The following ABI1 variants were observed in gnomAD, a reference collection of about 807,000 sequenced individuals.
The protein encoded by ABI1 is abl interactor 1.
A neutral mutation model predicts 54.6 loss-of-function variants in ABI1; 14 were observed. The ratio of observed to expected loss-of-function variants is 0.26; its 90% confidence interval spans 0.17 to 0.40. The LOEUF (loss-of-function observed/expected upper bound fraction) is 0.40. Among genes scored for constraint, ABI1 ranks in the 10% least tolerant of loss-of-function variants. ABI1 has a pLI of 1.00. For synonymous variants in ABI1, 194 were observed against 209.3 expected (o/e 0.93, Z 0.63); for missense variants, 443 against 598.3 (o/e 0.74, Z 2.71).
intron 2 of ABI1, among the ~76,000 whole-genome samples, chr10:26,791,829 T>C (rs1021931051): frequency 1.3e-5 from 2 of 152,154 alleles, no homozygotes; most frequent in Admixed American, 6.5e-5. Flanking sequence ...CCTCAAACCA[T>C]AGGAAAAAAC....
intron 1 of ABI1, among the ~76,000 whole-genome samples, chr10:26,835,961 C>A (rs2133984273): frequency 6.6e-6 from 1 of 152,032 alleles, no homozygotes; most frequent in Non-Finnish European, 1.5e-5. Context: ...CCATGTTGCC[C>A]AGGCTGGTCT....
At chr10:26,786,831 C>T (rs1842789056) in intron 2 of ABI1, among the ~76,000 whole-genome samples, 1 of 152,194 alleles carries the variant, frequency 6.6e-6, no homozygotes, top group Admixed American at 6.5e-5. Flanking sequence ...CATATATACA[C>T]ACAAACTTTT....
chr10:26,839,925 G>A, intron 1 of ABI1: 2 of 586,512 alleles, frequency 3.4e-6, no homozygotes, highest in Non-Finnish European at 6.1e-6. Flanking sequence ...AGGACTTTGG[G>A]ACCACAGTGA....
At chr10:26,859,546 T>C (rs1259835510) in intron 1 of ABI1, among the ~76,000 whole-genome samples, 2 of 152,240 alleles carry the variant, frequency 1.3e-5, no homozygotes, top group Non-Finnish European at 2.9e-5. Context: ...AGGACTGTGC[T>C]ACTTTGTTTC....
chr10:26,748,818 CAATTA>C, intron 10 of ABI1, 73 bp from the exon 11 acceptor site: 2 of 873,122 alleles, frequency 2.3e-6, no homozygotes, highest in Non-Finnish European at 3.4e-6. Context: ...AAGACAAAGA[CAATTA>C]AATATATAGC....
rs966696778 is a variant in ABI1, at chr10:26,775,484, T to TA, written c.462+1580dup. Among the ~76,000 whole-genome samples, 127 of 147,710 alleles carry TA rather than the reference T, an allele frequency of 8.6e-4. 1 individual carries two copies. The highest frequency in any genetic ancestry group is 6.4e-3 in the Admixed American group (95 of 14,788). On this transcript the variant is annotated intron_variant, in intron 3 of 10. Coordinates refer to ENST00000376140, the MANE Select transcript of ABI1 (RefSeq NM_001012750.3). ...TGTATCTCACCACAATAAAAAAATC[T>TA]AAAAAAAAAACCAAGCCCCCCAACC...
intron 1 of ABI1, among the ~76,000 whole-genome samples, chr10:26,844,494 C>A (rs2049823106): frequency 1.3e-5 from 2 of 152,146 alleles, no homozygotes. Flanking sequence ...AGTATATAGC[C>A]AGAGAAACTG....
chr10:26,840,906 T>G (rs908171966), intron 1 of ABI1, among the ~76,000 whole-genome samples: 1 of 152,238 alleles, frequency 6.6e-6, no homozygotes, highest in African/African-American at 2.4e-5. Flanking sequence ...AATACAGTTT[T>G]GGTCCATCAT....
intron 1 of ABI1, among the ~76,000 whole-genome samples, chr10:26,834,173 T>A (rs951145184): frequency 1.3e-5 from 2 of 152,058 alleles, no homozygotes; most frequent in Non-Finnish European, 2.9e-5. Flanking sequence ...GAGGTTGCAG[T>A]GAGCTGAGAC....
chr10:26,812,153 G>A (rs1268194803), intron 2 of ABI1, among the ~76,000 whole-genome samples: 1 of 152,092 alleles, frequency 6.6e-6, no homozygotes, highest in African/African-American at 2.4e-5. Flanking sequence ...CATAATCCAG[G>A]ATAATCTTCC....
intron 2 of ABI1, among the ~76,000 whole-genome samples, chr10:26,815,994 G>A (rs1370429862): frequency 6.6e-6 from 1 of 152,200 alleles, no homozygotes; most frequent in Non-Finnish European, 1.5e-5. Flanking sequence ...TGCTAGGTCT[G>A]AAGTCCACAT....
At chr10:26,827,289 T>G (rs746883142) in intron 1 of ABI1, among the ~76,000 whole-genome samples, 2 of 151,176 alleles carry the variant, frequency 1.3e-5, no homozygotes, top group Non-Finnish European at 2.9e-5. Flanking sequence ...TGGCGTGATC[T>G]CGGCTCACCG....
intron 1 of ABI1, among the ~76,000 whole-genome samples, chr10:26,849,456 C>T (rs377012488): frequency 6.6e-6 from 1 of 152,176 alleles, no homozygotes. Context: ...AGTACACATA[C>T]AGTACTTCTG....
chr10:26,784,319 G>C (rs1842473537), intron 2 of ABI1, among the ~76,000 whole-genome samples: 1 of 152,122 alleles, frequency 6.6e-6, no homozygotes, highest in Non-Finnish European at 1.5e-5. Context: ...TCTTTTCAAG[G>C]GACAGTCATT....
intron 2 of ABI1, among the ~76,000 whole-genome samples, chr10:26,809,208 T>C (rs980352869): frequency 6.8e-6 from 1 of 147,924 alleles, no homozygotes; most frequent in Non-Finnish European, 1.5e-5. Flanking sequence ...AGGCGGAGGT[T>C]GCAGTGAGCC....
intron 6 of ABI1, among the ~76,000 whole-genome samples, chr10:26,765,525 T>G (rs1054524339): frequency 6.6e-6 from 1 of 152,090 alleles, no homozygotes; most frequent in Non-Finnish European, 1.5e-5. Flanking sequence ...CCAGTGGACA[T>G]GAAACATTGG....
rs76336172 is a variant in ABI1, at chr10:26,860,109, C to T, written c.117+638G>A. On this transcript the variant is annotated intron_variant, in intron 1 of 10. Transcript: ENST00000376140. The surrounding 1 kb of genome is among the most constrained non-coding windows in gnomAD (Gnocchi z 4.1). Reference sequence around the variant, plus strand: ...AAACGCCCTCCCTCACTCCCCACACCCGCTTCCTCCTCTCCTCCGGGAGGT... The same window carrying T: ...AAACGCCCTCCCTCACTCCCCACACTCGCTTCCTCCTCTCCTCCGGGAGGT... Among the ~76,000 whole-genome samples the T allele has an allele frequency of 6.6e-6, 1 of 152,252 alleles. No individual in the cohort carries two copies. The highest frequency in any genetic ancestry group is 1.9e-4 in the East Asian group (1 of 5,184).
intron 10 of ABI1, 151 bp from the exon 11 acceptor site, chr10:26,748,896 T>C (rs1588728295): frequency 1.6e-6 from 1 of 626,072 alleles, no homozygotes; most frequent in Non-Finnish European, 2.7e-6. Context: ...AGTAGGTCAG[T>C]GGCCAACCAT....
Position 26,748,218 on chromosome 10 carries a change from C to T in ABI1, c.*352G>A, listed in dbSNP as rs890977459. 5.9e-5 allele frequency: 14 copies of T among 236,688 alleles called. No individual in the cohort carries two copies. The highest frequency in any genetic ancestry group is 2.9e-4 in the African/African-American group (13 of 45,472). The allele number at this position is 236,688 out of a possible 1,614,324, so 14.7% of individuals were successfully genotyped here. A position where few individuals can be genotyped will look rare whatever the true frequency, so the allele number is the denominator to read the frequency against. ...TGATTTTAATATTAGTCTGACATAG[C>T]GTTAGTAACCATGCTGCACTGAAAC... On this transcript the variant is annotated 3_prime_UTR_variant, in exon 11 of 11. Coordinates refer to ENST00000376140, the MANE Select transcript of ABI1 (RefSeq NM_001012750.3).
Sources: allele counts gnomAD v4.1 joint callset (sites outside exome capture counted in the v4.1 genomes callset), GRCh38; gene constraint gnomAD v4.1.1; non-coding constraint Gnocchi (gnomAD v3.1); transcripts MANE v1.5; gene names NCBI Gene and HGNC (gene_info 2026-07-23, HGNC 2026-07-21).